Variants in PCDH15 observed in about 807,000 individuals in gnomAD.
PCDH15 encodes protocadherin-15.
A neutral mutation model predicts 178.5 loss-of-function variants in PCDH15; 129 were observed. That is an observed-to-expected ratio of 0.72 (90% CI 0.63 to 0.84). The LOEUF is 0.84. Among genes scored for constraint, PCDH15 ranks in the 40% least tolerant of loss-of-function variants. The probability of loss-of-function intolerance (pLI) is 0.00; values close to 1 mark genes in which losing one functional copy is unlikely to be tolerated. For missense variants in PCDH15, 2,230 were observed against 2,099.9 expected (o/e 1.06, Z -1.21); for synonymous variants, 800 against 732.0 (o/e 1.09, Z -1.50).
At chr10:54,419,634 T>C (rs1186506558) in intron 3 of PCDH15, among the ~76,000 whole-genome samples, 3 of 152,138 alleles carry the variant, frequency 2.0e-5, no homozygotes, top group African/African-American at 4.8e-5. Flanking sequence ...TAGTAATGCA[T>C]TTCTCTGCTC....
intron 2 of PCDH15, among the ~76,000 whole-genome samples, chr10:54,533,339 A>G (rs1183913580): frequency 2.0e-5 from 3 of 152,172 alleles, no homozygotes; most frequent in African/African-American, 7.2e-5. Flanking sequence ...TTGTCTAAAG[A>G]TAAGGTCATT....
chr10:55,103,868 G>T lies in PCDH15; in HGVS notation c.-80+62708C>A, dbSNP rs377353188. On this transcript the variant is annotated intron_variant, in intron 2 of 5. Coordinates refer to the PCDH15 transcript ENST00000458638. ...GTCCAATATCAAAAGAACTTTAAAA[G>T]ACAGTTGCTTACTGACAAGGTACTT... 2.1e-4 allele frequency among the ~76,000 whole-genome samples: 32 copies of T among 152,214 alleles called. No homozygotes were observed. In the South Asian group the frequency reaches 6.6e-3, roughly 32 times the overall value.
upstream of PCDH15, among the ~76,000 whole-genome samples, chr10:55,322,920 C>T (rs1843939111): frequency 6.6e-6 from 1 of 152,116 alleles, no homozygotes; most frequent in African/African-American, 2.4e-5. Context: ...ACCTTCAAGG[C>T]AGCCCCTGCC....
At chr10:54,118,787 T>TG (rs2095163587) in intron 15 of PCDH15, among the ~76,000 whole-genome samples, 1 of 151,790 alleles carries the variant, frequency 6.6e-6, no homozygotes, top group African/African-American at 2.4e-5. Flanking sequence ...TATTTTTTTT[T>TG]GTCAAAATGA....
At chr10:55,318,353 A>C (rs931981599) in intron 1 of PCDH15, among the ~76,000 whole-genome samples, 1 of 152,216 alleles carries the variant, frequency 6.6e-6, no homozygotes, top group Non-Finnish European at 1.5e-5. Flanking sequence ...AGGAGACAAT[A>C]AATTAAGTAT....
chr10:55,289,167 T>G (rs1299203224), intron 1 of PCDH15, among the ~76,000 whole-genome samples: 1 of 152,042 alleles, frequency 6.6e-6, no homozygotes, highest in Non-Finnish European at 1.5e-5. Context: ...CACCTCTGTA[T>G]TTGTAGGCTC....
At chr10:54,816,439 C>T (rs932596313) in intron 3 of PCDH15, among the ~76,000 whole-genome samples, 39 of 151,944 alleles carry the variant, frequency 2.6e-4, no homozygotes, top group Admixed American at 1.9e-3. Flanking sequence ...ATTTAGGAAA[C>T]GACTATTTCA....
chr10:55,351,083 CCTCCTTCTTCTT>C (rs1430350693), intron 2 of PCDH15, among the ~76,000 whole-genome samples: 2 of 137,928 alleles, frequency 1.5e-5, no homozygotes, highest in Non-Finnish European at 3.1e-5. Context: ...TCCTCCTCCT[CCTCCTTCTTCTT>C]CTCCTTCTTC....
At chr10:55,467,678 A>C (rs914770596) in intron 2 of PCDH15, among the ~76,000 whole-genome samples, 2 of 151,924 alleles carry the variant, frequency 1.3e-5, no homozygotes, top group Non-Finnish European at 2.9e-5. Flanking sequence ...TAAGAATTAA[A>C]AGTGAGGCTG....
At chr10:54,713,482 T>C (rs886195300) in intron 1 of PCDH15, among the ~76,000 whole-genome samples, 4 of 152,132 alleles carry the variant, frequency 2.6e-5, no homozygotes, top group Non-Finnish European at 5.9e-5. Flanking sequence ...CTAATTAGTG[T>C]TGTTCTGGCT....
intron 3 of PCDH15, among the ~76,000 whole-genome samples, chr10:54,451,939 A>G (rs1657349349): frequency 6.6e-6 from 1 of 151,978 alleles, no homozygotes; most frequent in African/African-American, 2.4e-5. Flanking sequence ...ATTTTTCTTT[A>G]CAGGCTAGTC....
At chr10:53,963,828 T>A (rs1427407869) in intron 21 of PCDH15, among the ~76,000 whole-genome samples, 4 of 152,158 alleles carry the variant, frequency 2.6e-5, no homozygotes, top group Non-Finnish European at 5.9e-5. Flanking sequence ...TCATATCCTC[T>A]GTGTTTTCTG....
intron 2 of PCDH15, among the ~76,000 whole-genome samples, chr10:55,160,834 A>T (rs1296384741): frequency 6.6e-6 from 1 of 152,104 alleles, no homozygotes; most frequent in Non-Finnish European, 1.5e-5. Flanking sequence ...ACGTCTAGGA[A>T]TACTCTTTAC....
intron 2 of PCDH15, among the ~76,000 whole-genome samples, chr10:55,364,037 T>C (rs534186921): frequency 6.6e-5 from 10 of 152,164 alleles, no homozygotes; most frequent in Middle Eastern, 3.4e-3. Context: ...ATGGGGGTGG[T>C]TTCCCCCATG....
intron 10 of PCDH15, among the ~76,000 whole-genome samples, chr10:54,209,165 C>T (rs528710027): frequency 1.3e-5 from 2 of 152,162 alleles, no homozygotes; most frequent in African/African-American, 4.8e-5. Flanking sequence ...CTCTGCCTGA[C>T]TTAGACACCT....
At chr10:55,138,546 A>C (rs1838265891) in intron 2 of PCDH15, among the ~76,000 whole-genome samples, 1 of 152,102 alleles carries the variant, frequency 6.6e-6, no homozygotes, top group South Asian at 2.1e-4. Context: ...CCAGTTCAGC[A>C]TCCTTCATTC....
intron 2 of PCDH15, among the ~76,000 whole-genome samples, chr10:55,149,420 CAATTTGAAAATTAGA>C (rs1365691407): frequency 8.6e-5 from 13 of 151,806 alleles, no homozygotes; most frequent in African/African-American, 3.1e-4. Context: ...CATATAGTAT[CAATTTGAAAATTAGA>C]AGGCAGAATA....
At chr10:53,965,200 C>T (rs940427656) in intron 21 of PCDH15, among the ~76,000 whole-genome samples, 9 of 151,834 alleles carry the variant, frequency 5.9e-5, no homozygotes, top group Middle Eastern at 3.4e-3. Context: ...TGGGACTACA[C>T]GAGCCCGCCA....
chr10:54,159,108 C>CAAA (rs34942409), intron 13 of PCDH15, among the ~76,000 whole-genome samples: 29,828 of 125,122 alleles, frequency 0.24, 4,098 homozygotes, highest in East Asian at 0.79. Context: ...GAGTCTGTCT[C>CAAA]AAAAAAAAAA....
Sources: gnomAD v4.1 joint callset for allele counts (sites outside exome capture counted in the v4.1 genomes callset) on GRCh38, gnomAD v4.1.1 for gene constraint, MANE v1.5 for transcripts, NCBI Gene and HGNC (gene_info 2026-07-23, HGNC 2026-07-21) for gene names.